The following FOXO1 variants were observed in gnomAD, a reference collection of about 807,000 sequenced individuals.
The protein encoded by FOXO1 is forkhead box O1.
In FOXO1, 6 loss-of-function variants were observed where a neutral mutation model predicts 44.1. That is an observed-to-expected ratio of 0.14 (90% confidence interval 0.07 to 0.27). The LOEUF (loss-of-function observed/expected upper bound fraction) is 0.27, where lower values mean the gene tolerates loss of function less well. FOXO1 is among the 10% of genes least tolerant of loss of function. The pLI is 1.00. For synonymous variants in FOXO1, 380 were observed against 362.7 expected (o/e 1.05, Z -0.54); for missense variants, 737 against 888.8 (o/e 0.83, Z 2.17).
At position 40,560,430 on chromosome 13, in the gene FOXO1, T is replaced by A; in HGVS notation, c.1061A>T (p.Lys354Met). The change falls in exon 2 of 3, where the codon AAG becomes ATG. Residue 354 changes from lysine to methionine, a missense_variant. Around this residue, in one of 7 missense-constraint regions of FOXO1, gnomAD observed 136 missense variants for 186.4 expected, o/e 0.73. Coordinates refer to ENST00000379561, the MANE Select transcript of FOXO1 (RefSeq NM_002015.4). The surrounding 1 kb of genome is among the most constrained non-coding windows in gnomAD (Gnocchi z 5.1). ...CAGACTGGGTAAAGTAGAGGCCATCTTTGCGGCAGATGGCGGGTACACCAT... is the reference window on the plus strand; with the variant it reads ...CAGACTGGGTAAAGTAGAGGCCATCATTGCGGCAGATGGCGGGTACACCAT... The part of the protein sequence containing the change: ...HSMVYPPSAA[K>M]MASTLPSLSE... 6.2e-7 allele frequency: 1 copy of A among 1,614,228 alleles called. No individual in the cohort carries two copies. Among genetic ancestry groups the A allele is most frequent in the Non-Finnish European group, 8.5e-7 (1 of 1,180,050 alleles).
chr13:40,615,353 A>G (rs1421492691), intron 1 of FOXO1, among the ~76,000 whole-genome samples: 1 of 152,160 alleles, frequency 6.6e-6, no homozygotes, highest in Admixed American at 6.5e-5. Flanking sequence ...ACTGGCCAAC[A>G]TGGTGAAACC....
chr13:40,666,340 G>A lies in FOXO1; in HGVS notation c.-128C>T, dbSNP rs535824049. On this transcript the variant is annotated 5_prime_UTR_variant, in exon 1 of 3. Coordinates refer to ENST00000379561, the MANE Select transcript of FOXO1 (RefSeq NM_002015.4). The stretch of plus-strand genomic sequence containing the variant: ...GGGGAACGAAGCCGGTGCGGCGAGC[G>A]GACGGAAACTGGGAGGAAGGCGCGG... The A allele has an allele frequency of 7.3e-5, 53 of 729,368 alleles. No homozygotes were observed. In the African/African-American group the frequency reaches 8.9e-4, roughly 12 times the overall value. 45.2% of individuals were successfully genotyped at this position (729,368 alleles called of 1,614,324 possible).
At chr13:40,620,430 G>T in intron 1 of FOXO1, 1 of 651,574 alleles carries the variant, frequency 1.5e-6, no homozygotes, top group South Asian at 1.6e-5. Flanking sequence ...TTCTGAGAAC[G>T]AGCTTGTTGA....
intron 1 of FOXO1, among the ~76,000 whole-genome samples, chr13:40,663,374 C>T (rs1255194509): frequency 6.6e-6 from 1 of 152,144 alleles, no homozygotes; most frequent in Non-Finnish European, 1.5e-5. Flanking sequence ...CTGACAATGC[C>T]ATTTGAGACG....
chr13:40,637,877 A>T (rs1877213003), intron 1 of FOXO1, among the ~76,000 whole-genome samples: 1 of 152,204 alleles, frequency 6.6e-6, no homozygotes, highest in Non-Finnish European at 1.5e-5. Context: ...TTATGGGAAT[A>T]ACTGGTTATT....
intron 1 of FOXO1, among the ~76,000 whole-genome samples, chr13:40,653,880 T>C (rs957761068): frequency 6.6e-6 from 1 of 152,166 alleles, no homozygotes; most frequent in Non-Finnish European, 1.5e-5. Flanking sequence ...TCCCTCAACA[T>C]GGATGCTTTA....
At chr13:40,580,950 T>C (rs1219283932) in intron 1 of FOXO1, among the ~76,000 whole-genome samples, 1 of 152,172 alleles carries the variant, frequency 6.6e-6, no homozygotes, top group Non-Finnish European at 1.5e-5. Context: ...CCTACACACT[T>C]AAATACCCGG....
chr13:40,593,877 C>T (rs912129632), intron 1 of FOXO1, among the ~76,000 whole-genome samples: 3 of 152,164 alleles, frequency 2.0e-5, no homozygotes, highest in Non-Finnish European at 4.4e-5. Context: ...TTAGTTAAGA[C>T]ATTTTAAGCC....
intron 1 of FOXO1, among the ~76,000 whole-genome samples, chr13:40,588,356 T>A (rs17531144): frequency 0.023 from 3,505 of 152,330 alleles, 88 homozygotes; most frequent in South Asian, 0.095. Flanking sequence ...GGCCAACTGA[T>A]GTTTTAAGTG....
chr13:40,559,754 G>C lies in FOXO1; in HGVS notation c.1737C>G (p.Ser579=). 6.2e-7 allele frequency: 1 copy of C among 1,613,470 alleles called. No homozygotes were observed. The highest frequency in any genetic ancestry group is 8.5e-7 in the Non-Finnish European group (1 of 1,179,590). The stretch of plus-strand genomic sequence containing the variant: ...CATAGCCATTGCAGCTGCTCACGGA[G>C]GAGTAGCCCCCCAGGGCACTCATCT... ...PMQMSALGGY[S]SVSSCNGYGR... is the part of the protein sequence containing the mutation. The change falls in exon 2 of 3, where the codon TCC becomes TCG. Residue 579 remains serine (S), a synonymous_variant. Transcript: ENST00000379561.
chr13:40,654,705 C>G (rs1374274881), intron 1 of FOXO1, among the ~76,000 whole-genome samples: 3 of 152,072 alleles, frequency 2.0e-5, no homozygotes, highest in African/African-American at 7.2e-5. Context: ...GTGGGGCTTA[C>G]TGGAGATAAC....
At chr13:40,650,863 T>C (rs985159659) in intron 1 of FOXO1, among the ~76,000 whole-genome samples, 50 of 152,136 alleles carry the variant, frequency 3.3e-4, no homozygotes, top group Admixed American at 2.9e-3. Context: ...CAAGCAATTG[T>C]CCTGCCTCAG....
chr13:40,601,092 G>A (rs1236629313), intron 1 of FOXO1, among the ~76,000 whole-genome samples: 3 of 151,964 alleles, frequency 2.0e-5, no homozygotes, highest in Non-Finnish European at 4.4e-5. Flanking sequence ...CCCACCACCC[G>A]TTTTCTCTTC....
In FOXO1 at chr13:40,560,195, G is replaced by C. The variant is rs1311391182; in HGVS notation, c.1296C>G (p.Ser432Arg). ...TTTGTATAGGCATCTGGGGCAAAGG[G>C]CTCATGCTGGATTGGCCATATGTAT... ...QKYTYGQSSM[S>R]PLPQMPIQTL... The change falls in exon 2 of 3, where the codon AGC becomes AGG. Residue 432 changes from serine to arginine, a missense_variant. This residue lies in a region of FOXO1 where 283 missense variants were observed against 278.1 expected (regional missense o/e 1.02). Coordinates refer to ENST00000379561, the MANE Select transcript of FOXO1 (RefSeq NM_002015.4). This position sits in a 1 kb window ranked among gnomAD's most constrained non-coding sequence, Gnocchi z 5.1. The C allele has an allele frequency of 6.2e-7, 1 of 1,614,148 alleles. No homozygotes were observed. Among genetic ancestry groups the C allele is most frequent in the Non-Finnish European group, 8.5e-7 (1 of 1,180,024 alleles).
chr13:40,584,530 C>A (rs748036252), intron 1 of FOXO1, among the ~76,000 whole-genome samples: 71 of 141,372 alleles, frequency 5.0e-4, no homozygotes, highest in Non-Finnish European at 7.0e-4. Flanking sequence ...TGTCTATAGT[C>A]CTAGCTATTC....
intron 1 of FOXO1, among the ~76,000 whole-genome samples, chr13:40,653,363 G>A (rs147347629): frequency 6.6e-5 from 10 of 152,206 alleles, no homozygotes; most frequent in African/African-American, 2.4e-4. Flanking sequence ...TTCTGTGCTG[G>A]GGATTCCTCA....
chr13:40,595,215 G>C (rs896964749), intron 1 of FOXO1, among the ~76,000 whole-genome samples: 1 of 152,160 alleles, frequency 6.6e-6, no homozygotes, highest in African/African-American at 2.4e-5. Context: ...GGTACACTTG[G>C]ACTTTTGTTC....
intron 1 of FOXO1, among the ~76,000 whole-genome samples, chr13:40,640,758 TTTGTTGTTGTTGTTG>T (rs142761112): frequency 3.6e-4 from 50 of 140,528 alleles, no homozygotes; most frequent in African/African-American, 1.2e-3. Flanking sequence ...TGTTATTTCT[TTTGTTGTTGTTGTTG>T]TTGTTGTTGT....
At chr13:40,584,469 CA>C (rs55733141) in intron 1 of FOXO1, among the ~76,000 whole-genome samples, 126 of 63,062 alleles carry the variant, frequency 2.0e-3, no homozygotes, top group African/African-American at 8.2e-3. Flanking sequence ...ACAAAAAATG[CA>C]AAAAAAAAAA....
Sources: allele counts gnomAD v4.1 joint callset (sites outside exome capture counted in the v4.1 genomes callset), GRCh38; gene constraint gnomAD v4.1.1; regional missense constraint gnomAD v4.1.1; non-coding constraint Gnocchi (gnomAD v3.1); transcripts MANE v1.5; gene names NCBI Gene and HGNC (gene_info 2026-07-23, HGNC 2026-07-21).